Variants in TRPM3 observed in about 807,000 individuals in gnomAD.
TRPM3 encodes transient receptor potential cation channel subfamily M member 3, also known as long transient receptor potential channel 3.
In TRPM3, 77 loss-of-function variants were observed where a neutral mutation model predicts 181.2. That is an observed-to-expected ratio of 0.42 (90% CI 0.35 to 0.51). The LOEUF (loss-of-function observed/expected upper bound fraction) is 0.51. TRPM3 is among the 20% of genes least tolerant of loss of function. The pLI is 0.01. For synonymous variants in TRPM3, 745 were observed against 796.4 expected, an observed-to-expected ratio of 0.94 and a Z score of 1.09; for missense variants, 1,759 against 2,196.7, an observed-to-expected ratio of 0.80 and a Z score of 3.98.
chr9:70,632,962 G>T (rs2066160599), intron 12 of TRPM3, among the ~76,000 whole-genome samples: 1 of 152,220 alleles, frequency 6.6e-6, no homozygotes, highest in African/African-American at 2.4e-5. Flanking sequence ...ATGGGGAAAA[G>T]AAAGTAATGA....
At chr9:71,374,587 T>C (rs1217928421) in intron 1 of TRPM3, among the ~76,000 whole-genome samples, 1 of 152,126 alleles carries the variant, frequency 6.6e-6, no homozygotes, top group Non-Finnish European at 1.5e-5. Context: ...CTATTGGAAG[T>C]TCTGGCCAGG....
intron 21 of TRPM3, among the ~76,000 whole-genome samples, chr9:70,594,700 ACC>A: frequency 6.6e-6 from 1 of 152,174 alleles, no homozygotes; most frequent in Non-Finnish European, 1.5e-5. Context: ...GACTCATAGT[ACC>A]AATTTCAAAA....
chr9:70,965,817 C>T lies in TRPM3; in HGVS notation c.178-101306G>A, dbSNP rs148626253. On this transcript the variant is annotated intron_variant, in intron 1 of 25. Transcript: ENST00000677713. ...GATGCTGGACTCATAAAGTGGGTTG[C>T]GGACAAGTCTGTCCTCCTCATTTTC... Among the ~76,000 whole-genome samples, 672 of 151,816 alleles carry T rather than the reference C, an allele frequency of 4.4e-3. 5 individuals carry two copies. Among genetic ancestry groups the T allele is most frequent in the African/African-American group, 0.016 (653 of 41,434 alleles).
intron 1 of TRPM3, among the ~76,000 whole-genome samples, chr9:71,147,682 A>G (rs775763606): frequency 1.1e-4 from 17 of 152,178 alleles, no homozygotes; most frequent in Admixed American, 2.0e-4. Context: ...AATTTATCCC[A>G]TTTCAAGTGT....
intron 1 of TRPM3, among the ~76,000 whole-genome samples, chr9:71,254,428 G>A (rs1001979221): frequency 1.3e-5 from 2 of 152,092 alleles, no homozygotes; most frequent in African/African-American, 4.8e-5. Flanking sequence ...TGTACAACAC[G>A]GTGACTTAGT....
At chr9:71,400,883 G>A (rs1776012764) in intron 1 of TRPM3, among the ~76,000 whole-genome samples, 1 of 150,938 alleles carries the variant, frequency 6.6e-6, no homozygotes, top group Non-Finnish European at 1.5e-5. Context: ...ATGCTTATTA[G>A]TAAAACCAAA....
intron 1 of TRPM3, among the ~76,000 whole-genome samples, chr9:71,016,475 A>G (rs1448578918): frequency 1.3e-5 from 2 of 152,104 alleles, no homozygotes; most frequent in Non-Finnish European, 2.9e-5. Flanking sequence ...ACTTTCTGTC[A>G]AATTTGATGA....
At chr9:71,221,877 T>A (rs1490921613) in intron 1 of TRPM3, among the ~76,000 whole-genome samples, 1 of 152,174 alleles carries the variant, frequency 6.6e-6, no homozygotes, top group Non-Finnish European at 1.5e-5. Flanking sequence ...AATGTCTGCC[T>A]CAGAAGAAGC....
upstream of TRPM3, among the ~76,000 whole-genome samples, chr9:71,124,177 G>A (rs868353735): frequency 1.3e-5 from 2 of 152,018 alleles, no homozygotes; most frequent in South Asian, 2.1e-4. Flanking sequence ...CACTGGGGAC[G>A]CTTTGTGCCA....
At chr9:70,747,662 TG>T (rs2075416588) in intron 8 of TRPM3, among the ~76,000 whole-genome samples, 1 of 152,014 alleles carries the variant, frequency 6.6e-6, no homozygotes, top group Non-Finnish European at 1.5e-5. Flanking sequence ...TTTAAAGGGT[TG>T]TTCAAAAACA....
rs556818669 is a variant in TRPM3 at position 70,547,649 on chromosome 9, C to T, written c.3707+1893G>A. Among the ~76,000 whole-genome samples, 14 of 152,168 alleles carry T rather than the reference C, an allele frequency of 9.2e-5. No homozygotes were observed. The South Asian group carries it at 2.5e-3, about 27-fold the overall frequency. The stretch of plus-strand genomic sequence containing the variant: ...TGGCTTAGGTTTGTTTCTCTGGCAC[C>T]TGGGATTGGTCTTGAGGTCATCTTG... On this transcript the variant is annotated intron_variant, in intron 25 of 25. Coordinates refer to ENST00000677713, the MANE Select transcript of TRPM3 (RefSeq NM_001366145.2).
At chr9:71,103,627 T>C (rs571016307) in intron 1 of TRPM3, among the ~76,000 whole-genome samples, 2 of 152,184 alleles carry the variant, frequency 1.3e-5, no homozygotes, top group Non-Finnish European at 2.9e-5. Context: ...GGTCTAAATA[T>C]AACTGATTAA....
intron 22 of TRPM3, among the ~76,000 whole-genome samples, chr9:70,561,896 C>T (rs550622498): frequency 1.7e-4 from 26 of 152,272 alleles, no homozygotes; most frequent in African/African-American, 3.8e-4. Flanking sequence ...ATCTTCCTGA[C>T]GCCATCAGAG....
chr9:70,783,893 G>A, intron 7 of TRPM3: 1 of 1,286,212 alleles, frequency 7.8e-7, no homozygotes. Flanking sequence ...TATCCGTGTA[G>A]CTTTCATAGA....
chr9:71,116,197 T>C (rs1273540717), intron 1 of TRPM3, among the ~76,000 whole-genome samples: 1 of 152,158 alleles, frequency 6.6e-6, no homozygotes, highest in African/African-American at 2.4e-5. Context: ...TTCACTGATA[T>C]ATTCACCTAG....
intron 1 of TRPM3, among the ~76,000 whole-genome samples, chr9:71,089,154 T>G (rs978376584): frequency 6.8e-6 from 1 of 147,728 alleles, no homozygotes; most frequent in African/African-American, 2.5e-5. Context: ...AATATATATT[T>G]TATATCATAT....
chr9:70,687,596 T>C (rs1353091792), intron 8 of TRPM3, among the ~76,000 whole-genome samples: 4 of 152,222 alleles, frequency 2.6e-5, no homozygotes, highest in Non-Finnish European at 4.4e-5. Flanking sequence ...GATTATATCT[T>C]CTGCTCTCTT....
intron 1 of TRPM3, among the ~76,000 whole-genome samples, chr9:71,354,299 G>A (rs1169579427): frequency 6.6e-6 from 1 of 152,088 alleles, no homozygotes; most frequent in East Asian, 1.9e-4. Context: ...ACAGATAAAG[G>A]TTGTCAGATG....
chr9:71,015,142 T>C (rs2097774343), intron 1 of TRPM3, among the ~76,000 whole-genome samples: 1 of 152,186 alleles, frequency 6.6e-6, no homozygotes, highest in Non-Finnish European at 1.5e-5. Flanking sequence ...ATTTGGTACC[T>C]GAACCATAGA....
Sources: allele counts gnomAD v4.1 joint callset (sites outside exome capture counted in the v4.1 genomes callset), GRCh38; gene constraint gnomAD v4.1.1; transcripts MANE v1.5; gene names NCBI Gene and HGNC (gene_info 2026-07-23, HGNC 2026-07-21).